The following ERLEC1 variants were observed in gnomAD, a reference collection of about 807,000 sequenced individuals.
ERLEC1 encodes ER lectin.
ERLEC1 carries 47 observed loss-of-function variants against 68.0 expected under a neutral mutation model. The observed-to-expected ratio is 0.69, with a 90% CI of 0.55 to 0.88. The LOEUF (loss-of-function observed/expected upper bound fraction) is 0.88, where lower values mean the gene tolerates loss of function less well. Ranked by LOEUF, ERLEC1 falls within the 40% of genes least tolerant of loss-of-function variation. The pLI is 0.00. For missense variants in ERLEC1, 567 were observed against 583.8 expected, an observed-to-expected ratio of 0.97 and a Z score of 0.30; for synonymous variants, 225 against 203.2, an observed-to-expected ratio of 1.11 and a Z score of -0.91.
At chr2:53,792,894 CAGCT>C (rs1675486087) in intron 1 of ERLEC1, among the ~76,000 whole-genome samples, 1 of 151,898 alleles carries the variant, frequency 6.6e-6, no homozygotes, top group South Asian at 2.1e-4. Flanking sequence ...CCTGTAGTCC[CAGCT>C]ACTAGGGAGG....
intron 3 of ERLEC1, 81 bp downstream of exon 3, chr2:53,796,094 T>C (rs1675682011): frequency 2.0e-6 from 2 of 1,014,146 alleles, no homozygotes; most frequent in Non-Finnish European, 2.9e-6. Flanking sequence ...GTTTCTTCTT[T>C]ATTATGTTGT....
intron 10 of ERLEC1, among the ~76,000 whole-genome samples, chr2:53,810,331 A>G (rs1676524449): frequency 6.6e-6 from 1 of 152,148 alleles, no homozygotes; most frequent in Non-Finnish European, 1.5e-5. Flanking sequence ...ATTTTAAAAA[A>G]AGAAAATACC....
chr2:53,797,883 G>T, intron 5 of ERLEC1, 88 bp downstream of exon 5: 3 of 1,147,304 alleles, frequency 2.6e-6, no homozygotes, highest in Admixed American at 3.9e-5. Context: ...TTTTTTTTTT[G>T]GACATTGTGT....
Position 53,797,794 on chromosome 2 carries a change from A to G in ERLEC1, c.489A>G (p.Lys163=). The change falls in exon 5 of 14, where the codon AAA becomes AAG. Residue 163 remains lysine (K), a splice_region_variant and synonymous_variant. Coordinates refer to ENST00000185150, the MANE Select transcript of ERLEC1 (RefSeq NM_015701.5). ...TGGCCAAGAACCTTCTATTTGAAAAAGGTTGGTGTCTACCCAGTGATTTGA... is the reference window on the plus strand; with the variant it reads ...TGGCCAAGAACCTTCTATTTGAAAAGGGTTGGTGTCTACCCAGTGATTTGA... ...NMLAKNLLFE[K]EREAEEKEKS... is the part of the protein sequence containing the mutation. 6.2e-7 allele frequency: 1 copy of G among 1,611,214 alleles called. No homozygotes were observed. The highest frequency in any genetic ancestry group is 8.5e-7 in the Non-Finnish European group (1 of 1,178,196).
At chr2:53,788,491 C>T (rs1008535125) in intron 1 of ERLEC1, 3 of 152,096 alleles carry the variant, frequency 2.0e-5, no homozygotes, top group African/African-American at 4.8e-5. Context: ...CAGCCTCGAC[C>T]TCCTGGGCTC....
chr2:53,805,027 C>T (rs1272730329), intron 8 of ERLEC1, among the ~76,000 whole-genome samples: 1 of 124,280 alleles, frequency 8.0e-6, no homozygotes, highest in South Asian at 2.8e-4. Context: ...TGGAGTCTCA[C>T]TCTGTTGCCC....
chr2:53,817,194 C>T (rs1006154988), intron 13 of ERLEC1, among the ~76,000 whole-genome samples: 2 of 151,030 alleles, frequency 1.3e-5, no homozygotes, highest in Non-Finnish European at 2.9e-5. Flanking sequence ...AGTGCAGTAG[C>T]GCAATCTTGG....
chr2:53,814,984 A>AT, intron 13 of ERLEC1, 49 bp downstream of exon 13: 1 of 1,068,854 alleles, frequency 9.4e-7, no homozygotes, highest in South Asian at 1.6e-5. Context: ...GCCATGTTTT[A>AT]ATTTTTTTTT....
At chr2:53,807,617 C>T (rs1228707284) in intron 8 of ERLEC1, among the ~76,000 whole-genome samples, 1 of 152,090 alleles carries the variant, frequency 6.6e-6, no homozygotes, top group Non-Finnish European at 1.5e-5. Flanking sequence ...CTCTCTTTAC[C>T]CTGTTTGTTA....
At chr2:53,808,200 TCAAA>T in intron 8 of ERLEC1, 95 bp from the exon 9 acceptor site, 1 of 1,300,794 alleles carries the variant, frequency 7.7e-7, no homozygotes, top group Non-Finnish European at 1.0e-6. Context: ...AATTTATTTT[TCAAA>T]TTTTCTGCAG....
chr2:53,816,685 C>T (rs1676915535), intron 13 of ERLEC1, among the ~76,000 whole-genome samples: 1 of 152,086 alleles, frequency 6.6e-6, no homozygotes, highest in Middle Eastern at 3.2e-3. Context: ...AATTTTTCTA[C>T]CCCAAAATCA....
At chr2:53,798,336 A>G (rs1675828113) in intron 5 of ERLEC1, among the ~76,000 whole-genome samples, 1 of 151,164 alleles carries the variant, frequency 6.6e-6, no homozygotes, top group Non-Finnish European at 1.5e-5. Flanking sequence ...ACCACAGCTC[A>G]TTGCAGCCTT....
intron 6 of ERLEC1, among the ~76,000 whole-genome samples, chr2:53,800,644 T>C (rs1429109954): frequency 2.6e-5 from 4 of 152,154 alleles, no homozygotes; most frequent in Admixed American, 6.5e-5. Flanking sequence ...TTTGGAGATA[T>C]TATTAACAGT....
chr2:53,809,344 AAGG>A (rs1676467238), intron 10 of ERLEC1, 71 bp downstream of exon 10: 7 of 1,045,592 alleles, frequency 6.7e-6, no homozygotes, highest in Non-Finnish European at 9.6e-6. Context: ...TGTAGAAAAA[AAGG>A]GGGAATGGTA....
chr2:53,794,955 A>G (rs1044586533), intron 2 of ERLEC1, among the ~76,000 whole-genome samples: 1 of 152,126 alleles, frequency 6.6e-6, no homozygotes, highest in East Asian at 1.9e-4. Context: ...GCCCGGCCGC[A>G]ACCAATTATT....
chr2:53,818,115 G>A lies in ERLEC1; in HGVS notation c.*146G>A, dbSNP rs1676997989. 2 of 519,130 alleles carry A rather than the reference G, an allele frequency of 3.9e-6. No homozygotes were observed. The highest frequency in any genetic ancestry group is 5.8e-5 in the East Asian group (2 of 34,308). 32.2% of individuals were successfully genotyped at this position (519,130 alleles called of 1,614,324 possible). A position where few individuals can be genotyped will look rare whatever the true frequency, so the allele number is the denominator to read the frequency against. On this transcript the variant is annotated 3_prime_UTR_variant, in exon 14 of 14. Coordinates refer to ENST00000185150, the MANE Select transcript of ERLEC1 (RefSeq NM_015701.5). ...TCTCAACCACTTTGTGAATACATAT[G>A]TGTATATAAGAGGTTATTGATAAAC...
chr2:53,815,422 A>G (rs998937454), intron 13 of ERLEC1, among the ~76,000 whole-genome samples: 1 of 152,130 alleles, frequency 6.6e-6, no homozygotes, highest in Non-Finnish European at 1.5e-5. Flanking sequence ...GACATTTTTT[A>G]TTGAGATATA....
rs1218620190 is a variant in ERLEC1 at position 53,808,348 on chromosome 2, C to T, written c.929C>T (p.Ser310Leu). Residue 310 changes from serine to leucine, a missense_variant, in exon 9 of 14, where the codon TCG becomes TTG. Coordinates refer to ENST00000185150, the MANE Select transcript of ERLEC1 (RefSeq NM_015701.5). ...GAGAGATTTCCAGCGATCCACAAGT[C>T]GATTGCTATTGGCTCTCAGCCAGTG... ...KEERFPAIHKSIAIGSQPVLT... is the reference protein window; with the variant it reads ...KEERFPAIHKLIAIGSQPVLT... 6.8e-6 allele frequency: 11 copies of T among 1,614,110 alleles called. No individual in the cohort carries two copies. The highest frequency in any genetic ancestry group is 9.3e-6 in the Non-Finnish European group (11 of 1,180,006).
At position 53,801,381 on chromosome 2, in the gene ERLEC1, A is replaced by T. The variant is rs752910721; in HGVS notation, c.526-16A>T. 1.2e-6 allele frequency: 2 copies of T among 1,601,240 alleles called. No individual in the cohort carries two copies. Among genetic ancestry groups the T allele is most frequent in the Non-Finnish European group, 1.7e-6 (2 of 1,169,120 alleles). On this transcript the variant is annotated splice_polypyrimidine_tract_variant and intron_variant, in intron 6 of 13. Transcript: ENST00000185150. ...ATGTCTAATGAAAAGTCTGTCTTAT[A>T]CTCTTTTTTTTTAAGATTCCCACTA...
Sources: gnomAD v4.1 joint callset for allele counts (sites outside exome capture counted in the v4.1 genomes callset) on GRCh38, gnomAD v4.1.1 for gene constraint, MANE v1.5 for transcripts, NCBI Gene and HGNC (gene_info 2026-07-23, HGNC 2026-07-21) for gene names.